LPP: variants seen among roughly 807,000 people sequenced by gnomAD.
LPP encodes lipoma-preferred partner.
Under a neutral mutation model 60.4 loss-of-function variants are expected in LPP, and 38 were observed. The observed-to-expected ratio is 0.63, with a 90% CI of 0.49 to 0.83. The LOEUF (loss-of-function observed/expected upper bound fraction) is 0.83. LPP is among the 40% of genes least tolerant of loss of function. The probability of loss-of-function intolerance (pLI) is 0.00; values close to 1 mark genes in which losing one functional copy is unlikely to be tolerated. For synonymous variants in LPP, 328 were observed against 290.8 expected, an observed-to-expected ratio of 1.13 and a Z score of -1.30; for missense variants, 902 against 783.6, an observed-to-expected ratio of 1.15 and a Z score of -1.80.
Position 188,888,084 on chromosome 3 carries a change from A to T in LPP, c.*13605A>T, listed in dbSNP as rs1770880138. The T allele has an allele frequency of 5.5e-5, 12 of 219,660 alleles. No homozygotes were observed. In the East Asian group the frequency reaches 8.0e-4, roughly 15 times the overall value. 13.6% of individuals were successfully genotyped at this position (219,660 alleles called of 1,614,324 possible). A position where few individuals can be genotyped will look rare whatever the true frequency, so the allele number is the denominator to read the frequency against. ...TTAAACTTAGACCTGAAACCTTTAC[A>T]GTTGGATGTAGCGTTGAGCTTTTGC... is the stretch of plus-strand genomic sequence containing the variant. On this transcript the variant is annotated 3_prime_UTR_variant, in exon 12 of 12. Transcript: ENST00000617246.
intron 8 of LPP, among the ~76,000 whole-genome samples, chr3:188,729,447 T>A (rs1486183582): frequency 6.6e-6 from 1 of 152,242 alleles, no homozygotes; most frequent in Non-Finnish European, 1.5e-5. Context: ...CCATTTCTAC[T>A]GCTGTATACC....
Position 188,515,169 on chromosome 3 carries a change from T to C in LPP, c.307-9496T>C, listed in dbSNP as rs186302993. Among the ~76,000 whole-genome samples, 337 of 152,238 alleles carry C rather than the reference T, an allele frequency of 2.2e-3. 8 individuals are homozygous for C. Among genetic ancestry groups the C allele is most frequent in the Admixed American group, 0.019 (296 of 15,272 alleles). On this transcript the variant is annotated intron_variant, in intron 5 of 11. Transcript: ENST00000617246. ...GTTTGAAGTGGGGCCTAATGGGAGA[T>C]ACTCGATCACAGAGGTGAATCTCTT...
intron 2 of LPP, among the ~76,000 whole-genome samples, chr3:188,294,154 A>C (rs1402409171): frequency 6.6e-6 from 1 of 150,582 alleles, no homozygotes; most frequent in East Asian, 2.0e-4. Context: ...AAATCTATAG[A>C]GTCTGTAGCG....
intron 7 of LPP, among the ~76,000 whole-genome samples, chr3:188,637,905 AT>A (rs1191436798): frequency 6.6e-6 from 1 of 150,704 alleles, no homozygotes; most frequent in Non-Finnish European, 1.5e-5. Context: ...CCAGGACCAG[AT>A]GGATTCACAG....
At chr3:188,771,549 C>CAAAAAAAAAAAAAAAAAAAAAA (rs66712771) in intron 9 of LPP, among the ~76,000 whole-genome samples, 1 of 108,946 alleles carries the variant, frequency 9.2e-6, no homozygotes, top group African/African-American at 3.9e-5. Flanking sequence ...GACTCCATCT[C>CAAAAAAAAAAAAAAAAAAAAAA]AAAAAAAAAA....
intron 2 of LPP, among the ~76,000 whole-genome samples, chr3:188,256,141 C>A (rs2149631068): frequency 8.9e-6 from 1 of 111,874 alleles, no homozygotes; most frequent in South Asian, 2.9e-4. Flanking sequence ...TAAGATGCTA[C>A]AATATTTAAT....
chr3:188,290,949 A>G (rs1407947265), intron 2 of LPP, among the ~76,000 whole-genome samples: 1 of 152,182 alleles, frequency 6.6e-6, no homozygotes, highest in African/African-American at 2.4e-5. Context: ...TCTAGAAAGC[A>G]TTGATATAAT....
intron 6 of LPP, among the ~76,000 whole-genome samples, chr3:188,529,690 ATTCC>A (rs1821620081): frequency 6.6e-6 from 1 of 152,198 alleles, no homozygotes; most frequent in Admixed American, 6.5e-5. Flanking sequence ...ATTTGGCTTA[ATTCC>A]ACATATTCAT....
intron 6 of LPP, among the ~76,000 whole-genome samples, chr3:188,602,177 T>TATATATATAATATATATATATATATATA (rs1841458686): frequency 2.4e-4 from 28 of 115,262 alleles, no homozygotes; most frequent in African/African-American, 8.8e-4. Context: ...ATATATATAT[T>TATATATATAATATATATATATATATATA]ATATATATAT....
chr3:188,181,529 T>C (rs985888209), intron 1 of LPP, among the ~76,000 whole-genome samples: 23 of 152,178 alleles, frequency 1.5e-4, no homozygotes, highest in African/African-American at 4.6e-4. Context: ...AGGCCATACA[T>C]GGTCTCTGTC....
At chr3:188,780,255 A>G in intron 9 of LPP, among the ~76,000 whole-genome samples, 1 of 152,220 alleles carries the variant, frequency 6.6e-6, no homozygotes, top group East Asian at 1.9e-4. Flanking sequence ...TAACATTGAA[A>G]TCAAACCTTT....
chr3:188,859,785 T>C (rs1256166288), intron 9 of LPP, among the ~76,000 whole-genome samples: 2 of 152,210 alleles, frequency 1.3e-5, no homozygotes, highest in Non-Finnish European at 2.9e-5. Context: ...CTGTGTTTCA[T>C]AGCTGTCATC....
At chr3:188,343,115 C>T (rs997169956) in intron 3 of LPP, among the ~76,000 whole-genome samples, 6 of 152,098 alleles carry the variant, frequency 3.9e-5, no homozygotes, top group East Asian at 1.9e-4. Flanking sequence ...CCCTATCCAC[C>T]CATCATCCAG....
At chr3:188,191,189 C>T (rs1264154616) in intron 1 of LPP, among the ~76,000 whole-genome samples, 3 of 152,190 alleles carry the variant, frequency 2.0e-5, no homozygotes, top group African/African-American at 4.8e-5. Flanking sequence ...GAGATCGTGC[C>T]ACTGCACTCT....
chr3:188,272,418 A>G (rs1331079037), intron 2 of LPP, among the ~76,000 whole-genome samples: 1 of 152,194 alleles, frequency 6.6e-6, no homozygotes. Flanking sequence ...TCACCGTAAT[A>G]TTAGGACCAA....
intron 8 of LPP, among the ~76,000 whole-genome samples, chr3:188,715,577 G>GT (rs1402229199): frequency 4.6e-5 from 7 of 152,066 alleles, no homozygotes; most frequent in Admixed American, 2.6e-4. Context: ...TTTAAAGTTT[G>GT]TTTTTTCAAA....
Position 188,233,082 on chromosome 3 carries a change from C to T in LPP, c.-67+7555C>T, listed in dbSNP as rs565528614. 2.6e-5 allele frequency among the ~76,000 whole-genome samples: 4 copies of T among 152,288 alleles called. No individual in the cohort carries two copies. The South Asian group carries it at 8.3e-4, about 32-fold the overall frequency. On this transcript the variant is annotated intron_variant, in intron 2 of 11. Transcript: ENST00000617246. ...GTCCCCTTGGATTGGCCTAGACCTG[C>T]AGCGTTTGTGTATTGGTCACCCCAG...
intron 2 of LPP, among the ~76,000 whole-genome samples, chr3:188,227,641 A>G (rs1047907966): frequency 2.0e-5 from 3 of 152,138 alleles, no homozygotes; most frequent in Non-Finnish European, 4.4e-5. Flanking sequence ...CAGTTTGAAC[A>G]GGACTCTAGC....
At chr3:188,289,009 GAAAT>G (rs1311243816) in intron 2 of LPP, among the ~76,000 whole-genome samples, 6 of 152,034 alleles carry the variant, frequency 3.9e-5, no homozygotes, top group Admixed American at 3.3e-4. Context: ...AAATGTATCA[GAAAT>G]AAATAACATT....
Sources: gnomAD v4.1 joint callset for allele counts (sites outside exome capture counted in the v4.1 genomes callset) on GRCh38, gnomAD v4.1.1 for gene constraint, MANE v1.5 for transcripts, NCBI Gene and HGNC (gene_info 2026-07-23, HGNC 2026-07-21) for gene names.